TTC6: variants seen among roughly 807,000 people sequenced by gnomAD.
TTC6 encodes tetratricopeptide repeat protein 6.
Under a neutral mutation model 210.4 loss-of-function variants are expected in TTC6, and 172 were observed. The ratio of observed to expected loss-of-function variants is 0.82; its 90% CI spans 0.72 to 0.93. The LOEUF (loss-of-function observed/expected upper bound fraction) is 0.93. TTC6 is among the 40% of genes least tolerant of loss of function. The pLI is 0.00. For missense variants in TTC6, 2,414 were observed against 2,318.1 expected (o/e 1.04, Z -0.85); for synonymous variants, 804 against 819.6 (o/e 0.98, Z 0.32).
intron 3 of TTC6, among the ~76,000 whole-genome samples, chr14:37,684,109 C>T (rs1396423130): frequency 6.6e-6 from 1 of 152,112 alleles, no homozygotes; most frequent in African/African-American, 2.4e-5. Context: ...TTGTCTGTGG[C>T]CTTCCTCTTC....
At chr14:37,773,599 C>G (rs1240259706) in intron 14 of TTC6, among the ~76,000 whole-genome samples, 1 of 152,098 alleles carries the variant, frequency 6.6e-6, no homozygotes, top group African/African-American at 2.4e-5. Context: ...GCTTTTTATT[C>G]TGTTCCATTT....
At chr14:37,688,980 G>A (rs539683383) in intron 3 of TTC6, among the ~76,000 whole-genome samples, 1 of 152,172 alleles carries the variant, frequency 6.6e-6, no homozygotes, top group East Asian at 1.9e-4. Context: ...GGCACCAAGG[G>A]CCAACCCTGA....
intron 2 of TTC6, among the ~76,000 whole-genome samples, chr14:37,681,609 G>A (rs556050782): frequency 3.3e-5 from 5 of 152,098 alleles, no homozygotes; most frequent in African/African-American, 9.6e-5. Context: ...ACTTGGTACC[G>A]GGTCATGGAT....
intron 7 of TTC6, among the ~76,000 whole-genome samples, chr14:37,733,970 A>G (rs985152545): frequency 6.6e-6 from 1 of 151,628 alleles, no homozygotes; most frequent in Admixed American, 6.6e-5. Context: ...TAGTATTTCT[A>G]TTTTTCCCTA....
intron 10 of TTC6, among the ~76,000 whole-genome samples, chr14:37,748,438 T>C (rs955214099): frequency 2.6e-5 from 4 of 152,190 alleles, no homozygotes; most frequent in African/African-American, 7.2e-5. Flanking sequence ...CCTAGACTTG[T>C]AGCATTTGAA....
chr14:37,689,093 A>G (rs1203206555), intron 3 of TTC6, among the ~76,000 whole-genome samples: 2 of 152,028 alleles, frequency 1.3e-5, no homozygotes, highest in African/African-American at 2.4e-5. Flanking sequence ...TCAGAATTCT[A>G]TCTTAGAAAT....
chr14:37,791,407 T>C (rs1013231961), intron 16 of TTC6, among the ~76,000 whole-genome samples: 6 of 152,232 alleles, frequency 3.9e-5, no homozygotes, highest in Admixed American at 3.9e-4. Flanking sequence ...AATTAAAAAT[T>C]CCCCTTTTTT....
chr14:37,699,416 G>A (rs559168740), intron 4 of TTC6, among the ~76,000 whole-genome samples: 51 of 152,206 alleles, frequency 3.4e-4, no homozygotes, highest in Non-Finnish European at 6.5e-4. Flanking sequence ...AACAGTGTTT[G>A]AACCCAGGCA....
At chr14:37,749,091 C>T in exon 11 of TTC6, 1 of 1,535,572 alleles carries the variant, frequency 6.5e-7, no homozygotes, top group Non-Finnish European at 8.7e-7. Context: ...AATATTGATC[C>T]TCGGACATGG....
chr14:37,622,500 G>T (rs2095653059), exon 1 of TTC6: 1 of 1,535,154 alleles, frequency 6.5e-7, no homozygotes, highest in Non-Finnish European at 8.7e-7. Context: ...GTTCGGCACG[G>T]CCAGACCCGT....
intron 29 of TTC6, among the ~76,000 whole-genome samples, chr14:37,829,731 C>A (rs900641736): frequency 6.6e-6 from 1 of 151,908 alleles, no homozygotes; most frequent in African/African-American, 2.4e-5. Context: ...GGATTCCAGG[C>A]TAGAAGCTGG....
At chr14:37,637,055 G>A (rs2095682209) in intron 1 of TTC6, among the ~76,000 whole-genome samples, 1 of 151,946 alleles carries the variant, frequency 6.6e-6, no homozygotes, top group Non-Finnish European at 1.5e-5. Flanking sequence ...TCAACAAATG[G>A]TTCTGGAACT....
intron 26 of TTC6, among the ~76,000 whole-genome samples, chr14:37,819,831 A>G (rs1389382500): frequency 1.3e-5 from 2 of 152,224 alleles, no homozygotes; most frequent in South Asian, 2.1e-4. Flanking sequence ...TGGAAAATGC[A>G]GTGGGCCTTT....
chr14:37,811,676 A>C (rs1178368972), intron 24 of TTC6, among the ~76,000 whole-genome samples: 1 of 152,182 alleles, frequency 6.6e-6, no homozygotes, highest in Non-Finnish European at 1.5e-5. Context: ...AAAAAGGTAA[A>C]AGTAATGGAG....
At chr14:37,718,958 A>C (rs760459615) in intron 6 of TTC6, among the ~76,000 whole-genome samples, 2 of 152,092 alleles carry the variant, frequency 1.3e-5, no homozygotes, top group Non-Finnish European at 2.9e-5. Context: ...GTTCTGAGGA[A>C]TCTGTACAAG....
intron 27 of TTC6, among the ~76,000 whole-genome samples, chr14:37,824,758 A>G (rs749863776): frequency 1.3e-5 from 2 of 152,156 alleles, no homozygotes; most frequent in Non-Finnish European, 2.9e-5. Flanking sequence ...GAAATTAACA[A>G]TGTTGAGATG....
chr14:37,679,835 CAT>C (rs1265811699), intron 1 of TTC6, among the ~76,000 whole-genome samples: 1 of 151,944 alleles, frequency 6.6e-6, no homozygotes, highest in East Asian at 1.9e-4. Flanking sequence ...GGATTACAGA[CAT>C]GTGCCATCAT....
intron 1 of TTC6, among the ~76,000 whole-genome samples, chr14:37,670,155 C>T (rs1206270816): frequency 6.6e-6 from 1 of 152,166 alleles, no homozygotes; most frequent in Non-Finnish European, 1.5e-5. Context: ...AGGGGACTTA[C>T]AGAGTTTCTC....
intron 1 of TTC6, among the ~76,000 whole-genome samples, chr14:37,630,329 C>G (rs1463035288): frequency 6.6e-5 from 10 of 152,124 alleles, no homozygotes; most frequent in Non-Finnish European, 1.2e-4. Context: ...GCCTTCATTT[C>G]ATTATTTACC....
Sources: allele counts gnomAD v4.1 joint callset (sites outside exome capture counted in the v4.1 genomes callset), GRCh38; gene constraint gnomAD v4.1.1; transcripts MANE v1.5; gene names NCBI Gene and HGNC (gene_info 2026-07-23, HGNC 2026-07-21).